ADAM7: variants seen among roughly 807,000 people sequenced by gnomAD.
ADAM7 encodes ADAM metallopeptidase domain 7.
ADAM7 carries 97 observed loss-of-function variants against 102.9 expected under a neutral mutation model. That is an observed-to-expected ratio of 0.94 (90% confidence interval 0.80 to 1.12). The LOEUF is 1.12. Ranked by LOEUF, ADAM7 falls within the 50% of genes most tolerant of loss-of-function variation. The pLI is 0.00. For missense variants in ADAM7, 991 were observed against 908.7 expected (o/e 1.09, Z -1.16); for synonymous variants, 334 against 304.4 (o/e 1.10, Z -1.01).
chr8:24,485,498 C>T, intron 10 of ADAM7, 137 bp downstream of exon 10: 2 of 631,454 alleles, frequency 3.2e-6, no homozygotes, highest in Non-Finnish European at 5.1e-6. Context: ...GACTGTTATG[C>T]TTCCTTTATT....
At chr8:24,461,810 A>G (rs1220027914) in intron 3 of ADAM7, among the ~76,000 whole-genome samples, 1 of 152,144 alleles carries the variant, frequency 6.6e-6, no homozygotes, top group Non-Finnish European at 1.5e-5. Flanking sequence ...GTTTTTAGCT[A>G]TAACATTTTC....
intron 3 of ADAM7, among the ~76,000 whole-genome samples, chr8:24,451,949 G>C (rs1367908253): frequency 6.6e-6 from 1 of 151,846 alleles, no homozygotes; most frequent in Non-Finnish European, 1.5e-5. Context: ...TTTCCATGTA[G>C]TTGAGCGGTT....
At chr8:24,478,713 C>T (rs1007334504) in intron 8 of ADAM7, among the ~76,000 whole-genome samples, 10 of 152,170 alleles carry the variant, frequency 6.6e-5, no homozygotes, top group Non-Finnish European at 8.8e-5. Context: ...ACAATTTCAA[C>T]ATGTGGGTCA....
intron 3 of ADAM7, among the ~76,000 whole-genome samples, chr8:24,450,488 G>T (rs1018315420): frequency 1.1e-4 from 17 of 151,452 alleles, no homozygotes; most frequent in African/African-American, 4.1e-4. Flanking sequence ...TGTGATTTTT[G>T]TACATTGATT....
chr8:24,507,624 G>A (rs1820997378), intron 21 of ADAM7, 89 bp downstream of exon 21: 2 of 1,112,428 alleles, frequency 1.8e-6, no homozygotes, highest in Non-Finnish European at 2.7e-6. Flanking sequence ...TTGATTTACT[G>A]GGGACATCCT....
intron 20 of ADAM7, among the ~76,000 whole-genome samples, chr8:24,505,872 C>T (rs115834928): frequency 0.015 from 2,272 of 152,146 alleles, 60 homozygotes; most frequent in African/African-American, 0.052. Flanking sequence ...AGTCAATTAG[C>T]GATAGTAAGA....
Position 24,489,324 on chromosome 8 carries a change from C to T in ADAM7, c.1257C>T (p.Gly419=), listed in dbSNP as rs1215930126. The T allele has an allele frequency of 1.9e-6, 3 of 1,609,286 alleles. No homozygotes were observed. Among genetic ancestry groups the T allele is most frequent in the Non-Finnish European group, 2.5e-6 (3 of 1,177,942 alleles). The change falls in exon 12 of 22, where the codon GGC becomes GGT. Residue 419 remains glycine, a synonymous_variant. Coordinates refer to ENST00000175238, the MANE Select transcript of ADAM7 (RefSeq NM_003817.4). ...ATGAGGGTGAAGAGTGTGACTGTGG[C>T]CCTGCTCAGGTATTTGCAAATGAAG... is the stretch of plus-strand genomic sequence containing the variant. ...KLDEGEECDC[G]PAQECTNPCC...
At chr8:24,450,590 C>G (rs1818744785) in intron 3 of ADAM7, among the ~76,000 whole-genome samples, 1 of 152,134 alleles carries the variant, frequency 6.6e-6, no homozygotes, top group Non-Finnish European at 1.5e-5. Context: ...ATCGTGTAGT[C>G]TGCAAACAGG....
chr8:24,507,683 T>G (rs1820999822), intron 21 of ADAM7, 148 bp downstream of exon 21: 2 of 596,312 alleles, frequency 3.4e-6, no homozygotes, highest in Non-Finnish European at 3.0e-6. Context: ...TTTTTTTTTT[T>G]GCTGATATGC....
chr8:24,476,209 GAAGT>G (rs1819762951), intron 7 of ADAM7, among the ~76,000 whole-genome samples: 1 of 152,134 alleles, frequency 6.6e-6, no homozygotes, highest in Non-Finnish European at 1.5e-5. Flanking sequence ...AGAAAAGCTT[GAAGT>G]AATACTACAC....
intron 16 of ADAM7, among the ~76,000 whole-genome samples, chr8:24,497,757 T>C (rs978768212): frequency 5.3e-5 from 8 of 152,156 alleles, no homozygotes; most frequent in Admixed American, 5.2e-4. Context: ...GGCTTTTACT[T>C]ACCCTCATGC....
chr8:24,453,752 C>A (rs1818892675), intron 3 of ADAM7, among the ~76,000 whole-genome samples: 1 of 152,174 alleles, frequency 6.6e-6, no homozygotes. Flanking sequence ...TCCAGTTTTT[C>A]TGCTCTGTTT....
intron 3 of ADAM7, among the ~76,000 whole-genome samples, chr8:24,448,856 T>C (rs945906139): frequency 6.6e-6 from 1 of 152,042 alleles, no homozygotes; most frequent in Admixed American, 6.6e-5. Flanking sequence ...CCTGTGTCCA[T>C]GTGTTCTCAT....
intron 3 of ADAM7, among the ~76,000 whole-genome samples, chr8:24,456,000 A>G (rs1207521560): frequency 6.6e-6 from 1 of 152,042 alleles, no homozygotes; most frequent in Non-Finnish European, 1.5e-5. Context: ...TTTACTCTCT[A>G]AGATTATTTA....
At chr8:24,470,763 G>A (rs556048548) in intron 7 of ADAM7, among the ~76,000 whole-genome samples, 84 of 152,154 alleles carry the variant, frequency 5.5e-4, no homozygotes, top group African/African-American at 1.6e-3. Flanking sequence ...AATTATGTAC[G>A]GTACACAATG....
chr8:24,508,960 C>T lies in ADAM7; in HGVS notation c.*414C>T. On this transcript the variant is annotated 3_prime_UTR_variant, in exon 22 of 22. Transcript: ENST00000175238. ...GGAAACATAAAAGTACGTTTTAAAA[C>T]TTGAACATGACATCATTAGCACTAA... 2 of 1,013,160 alleles carry T rather than the reference C, an allele frequency of 2.0e-6. No individual in the cohort carries two copies. Among genetic ancestry groups the T allele is most frequent in the South Asian group, 8.8e-5 (2 of 22,724 alleles). The allele number at this position is 1,013,160 out of a possible 1,614,324, so 62.8% of individuals were successfully genotyped here.
At position 24,465,758 on chromosome 8, in the gene ADAM7, T is replaced by C; in HGVS notation, c.372T>C (p.Ser124=). The C allele has an allele frequency of 6.2e-7, 1 of 1,609,914 alleles. No homozygotes were observed. Among genetic ancestry groups the C allele is most frequent in the Non-Finnish European group, 8.5e-7 (1 of 1,177,910 alleles). ...VHEYDSAASI[S]TCNGLRGFFR... ...AATATGATTCAGCTGCCAGTATCAG[T>C]ACGTGTAATGGTCTAAGGTAATGCA... Residue 124 remains serine, a synonymous_variant, in exon 5 of 22, where the codon AGT becomes AGC. Coordinates refer to ENST00000175238, the MANE Select transcript of ADAM7 (RefSeq NM_003817.4).
At chr8:24,465,500 C>T (rs568971308) in intron 4 of ADAM7, among the ~76,000 whole-genome samples, 199 bp from the exon 5 acceptor site, 1 of 152,270 alleles carries the variant, frequency 6.6e-6, no homozygotes, top group South Asian at 2.1e-4. Flanking sequence ...AACATAATCA[C>T]ATAATTAAGG....
intron 11 of ADAM7, among the ~76,000 whole-genome samples, chr8:24,487,899 A>G (rs141402586): frequency 6.6e-6 from 1 of 152,144 alleles, no homozygotes; most frequent in African/African-American, 2.4e-5. Flanking sequence ...AATTGCTACC[A>G]AGGCAATTAG....
Sources: allele counts gnomAD v4.1 joint callset (sites outside exome capture counted in the v4.1 genomes callset), GRCh38; gene constraint gnomAD v4.1.1; transcripts MANE v1.5; gene names NCBI Gene and HGNC (gene_info 2026-07-23, HGNC 2026-07-21).